Variants in SLC35D4 observed in about 807,000 individuals in gnomAD.
SLC35D4 encodes the protein UDP-N-acetylglucosamine transporter SLC35D4.
At chr18:23,397,631 G>C in the SLC35D4 span, among the ~76,000 whole-genome samples, 1 of 152,278 alleles carries the variant, frequency 6.6e-6, no homozygotes, top group East Asian at 1.9e-4. Context: ...CAGTTTTTGA[G>C]CTTTCTAACA....
the SLC35D4 span, among the ~76,000 whole-genome samples, chr18:23,359,669 T>A: frequency 1.1e-4 from 16 of 152,086 alleles, no homozygotes; most frequent in Non-Finnish European, 2.2e-4. Flanking sequence ...AGGAGGTCGG[T>A]TCCAAGCAGT....
the SLC35D4 span, among the ~76,000 whole-genome samples, chr18:23,343,201 C>T: frequency 1.3e-5 from 2 of 152,116 alleles, no homozygotes; most frequent in African/African-American, 2.4e-5. Flanking sequence ...GGGTTACAGG[C>T]ATAAGCCACT....
the SLC35D4 span, among the ~76,000 whole-genome samples, chr18:23,414,331 A>AAGGCAGGCAGGC: frequency 2.8e-5 from 4 of 140,450 alleles, no homozygotes; most frequent in African/African-American, 1.1e-4. Flanking sequence ...GGAAGGAAGG[A>AAGGCAGGCAGGC]AGGCAGGCAG....
the SLC35D4 span, among the ~76,000 whole-genome samples, chr18:23,407,797 G>A: frequency 2.0e-5 from 3 of 152,138 alleles, no homozygotes; most frequent in Non-Finnish European, 2.9e-5. Context: ...GTATCTTTCC[G>A]TAGGATATGT....
the SLC35D4 span, among the ~76,000 whole-genome samples, chr18:23,332,829 A>G: frequency 6.6e-6 from 1 of 152,160 alleles, no homozygotes; most frequent in African/African-American, 2.4e-5. Flanking sequence ...TGTGAAGTGT[A>G]TGCAATTATT....
At chr18:23,365,146 T>C in the SLC35D4 span, among the ~76,000 whole-genome samples, 1 of 152,156 alleles carries the variant, frequency 6.6e-6, no homozygotes, top group Non-Finnish European at 1.5e-5. Context: ...ATGATGGGAT[T>C]TGGGGTACCA....
the SLC35D4 span, chr18:23,368,708 A>T: frequency 1.5e-6 from 2 of 1,363,070 alleles, no homozygotes; most frequent in Non-Finnish European, 2.0e-6. Context: ...TGTAAATTAT[A>T]TTTTACCTGA....
the SLC35D4 span, among the ~76,000 whole-genome samples, chr18:23,240,200 C>G: frequency 6.6e-6 from 1 of 152,232 alleles, no homozygotes; most frequent in African/African-American, 2.4e-5. Context: ...AGGAAGACTT[C>G]CCCGAGGAAT....
the SLC35D4 span, among the ~76,000 whole-genome samples, chr18:23,342,172 C>T: frequency 6.6e-6 from 1 of 152,184 alleles, no homozygotes; most frequent in Non-Finnish European, 1.5e-5. Context: ...ACCATCACCA[C>T]AATCCAGTTT....
chr18:23,399,155 A>G, the SLC35D4 span, among the ~76,000 whole-genome samples: 1 of 152,142 alleles, frequency 6.6e-6, no homozygotes, highest in Admixed American at 6.5e-5. Context: ...TGCATCCATG[A>G]CCAAGCTCAC....
At chr18:23,294,748 AC>A in the SLC35D4 span, among the ~76,000 whole-genome samples, 1 of 152,108 alleles carries the variant, frequency 6.6e-6, no homozygotes, top group Non-Finnish European at 1.5e-5. Flanking sequence ...AACACAGTGA[AC>A]CCCTATCTCA....
At chr18:23,379,057 G>A in the SLC35D4 span, among the ~76,000 whole-genome samples, 5 of 152,276 alleles carry the variant, frequency 3.3e-5, no homozygotes, top group Middle Eastern at 3.4e-3. Flanking sequence ...GAAAGGAGGA[G>A]GGCAAAGGTG....
the SLC35D4 span, among the ~76,000 whole-genome samples, chr18:23,324,526 A>C: frequency 6.6e-6 from 1 of 152,240 alleles, no homozygotes; most frequent in Non-Finnish European, 1.5e-5. Context: ...AATTACGTTC[A>C]CTGAGCACCA....
At chr18:23,367,496 C>T in the SLC35D4 span, among the ~76,000 whole-genome samples, 23 of 152,080 alleles carry the variant, frequency 1.5e-4, no homozygotes, top group African/African-American at 4.1e-4. Flanking sequence ...CCAGAGAGGG[C>T]GATGGGAGGG....
chr18:23,371,935 G>GTTGTT, the SLC35D4 span, among the ~76,000 whole-genome samples: 6 of 35,480 alleles, frequency 1.7e-4, no homozygotes, highest in Admixed American at 2.6e-3. Flanking sequence ...TGTTTTTTTT[G>GTTGTT]TTTTTTTTTT....
At chr18:23,357,744 A>T in the SLC35D4 span, among the ~76,000 whole-genome samples, 10 of 152,352 alleles carry the variant, frequency 6.6e-5, no homozygotes, top group East Asian at 1.3e-3. Context: ...TGATTCAACT[A>T]TCTATTGGTA....
At chr18:23,413,936 T>C in the SLC35D4 span, among the ~76,000 whole-genome samples, 7 of 116,484 alleles carry the variant, frequency 6.0e-5, no homozygotes, top group Non-Finnish European at 1.0e-4. Flanking sequence ...AGAGGGAGGC[T>C]CCGCCTCAAA....
At chr18:23,367,457 A>C in the SLC35D4 span, among the ~76,000 whole-genome samples, 12 of 152,170 alleles carry the variant, frequency 7.9e-5, no homozygotes, top group Non-Finnish European at 1.5e-4. Flanking sequence ...AAGGTACTGC[A>C]GAGGGGTGCT....
At chr18:23,393,541 A>G in the SLC35D4 span, among the ~76,000 whole-genome samples, 13 of 152,242 alleles carry the variant, frequency 8.5e-5, 1 homozygote, top group South Asian at 2.5e-3. Flanking sequence ...ATTTAGCATA[A>G]TGTTCTCAAG....
Sources: gnomAD v4.1 joint callset for allele counts (sites outside exome capture counted in the v4.1 genomes callset) on GRCh38, gnomAD v4.1.1 for gene constraint, MANE v1.5 for transcripts, NCBI Gene and HGNC (gene_info 2026-07-23, HGNC 2026-07-21) for gene names.